Variants in TPR observed in about 807,000 individuals in gnomAD.
The protein encoded by TPR is translocated promoter region, nuclear basket protein, also known as nucleoprotein TPR.
Under a neutral mutation model 316.1 loss-of-function variants are expected in TPR, and 51 were observed. That is an observed-to-expected ratio of 0.16 (90% CI 0.13 to 0.20). The LOEUF (loss-of-function observed/expected upper bound fraction) is 0.20. Ranked by LOEUF, TPR falls within the 10% of genes least tolerant of loss-of-function variation. TPR has a pLI of 1.00. For missense variants in TPR, 2,272 were observed against 2,754.8 expected (o/e 0.82, Z 3.92); for synonymous variants, 981 against 914.7 (o/e 1.07, Z -1.31).
At chr1:186,317,195 C>G (rs1310987370) in intron 49 of TPR, among the ~76,000 whole-genome samples, 1 of 152,174 alleles carries the variant, frequency 6.6e-6, no homozygotes, top group Non-Finnish European at 1.5e-5. Context: ...GACCCAAGAG[C>G]TCTACAAAAC....
chr1:186,334,770 T>C (rs1446504304), intron 35 of TPR, among the ~76,000 whole-genome samples: 1 of 152,082 alleles, frequency 6.6e-6, no homozygotes, highest in Non-Finnish European at 1.5e-5. Flanking sequence ...AGCCCAGCAT[T>C]TTCTATCTGT....
chr1:186,375,228 C>G lies in TPR; in HGVS notation c.-200G>C, dbSNP rs1246904029. 6.8e-7 allele frequency: 1 copy of G among 1,467,698 alleles called. No homozygotes were observed. 90.9% of individuals were successfully genotyped at this position (1,467,698 alleles called of 1,614,324 possible). A position where few individuals can be genotyped will look rare whatever the true frequency, so the allele number is the denominator to read the frequency against. ...ACCCTCAGCGGCAGCGTTTCAGCAA[C>G]AGCACCTCACCGCCCGCGACCGAAG... is the stretch of plus-strand genomic sequence containing the variant. On this transcript the variant is annotated 5_prime_UTR_variant, in exon 1 of 51. Coordinates refer to ENST00000367478, the MANE Select transcript of TPR (RefSeq NM_003292.3).
In TPR at chr1:186,332,249, T is replaced by G. The variant is rs1040297275; in HGVS notation, c.5550A>C (p.Thr1850=). ...IEASDQVSDD[T]VEMPLPKKLK... ...ACTTCTTTGGAAGAGGCATTTCCAC[T>G]GTATCATCAGAGACTTGGTCTGATG... is the stretch of plus-strand genomic sequence containing the variant. Residue 1850 remains threonine, a synonymous_variant, in exon 38 of 51, where the codon ACA becomes ACC. Coordinates refer to ENST00000367478, the MANE Select transcript of TPR (RefSeq NM_003292.3). 6.2e-7 allele frequency: 1 copy of G among 1,612,518 alleles called. No individual in the cohort carries two copies. The highest frequency in any genetic ancestry group is 2.2e-5 in the East Asian group (1 of 44,856).
chr1:186,358,137 TCTTA>T (rs1275790000), intron 13 of TPR, among the ~76,000 whole-genome samples: 1 of 152,164 alleles, frequency 6.6e-6, no homozygotes, highest in African/African-American at 2.4e-5. Flanking sequence ...TACAGTCCAG[TCTTA>T]CTTCAGTAAA....
In TPR at chr1:186,330,568, C is replaced by T. The variant is rs1411151659; in HGVS notation, c.5688+930G>A. Among the ~76,000 whole-genome samples the T allele has an allele frequency of 2.0e-5, 3 of 152,004 alleles. No individual in the cohort carries two copies. In the East Asian group the frequency reaches 5.8e-4, roughly 29 times the overall value. On this transcript the variant is annotated intron_variant, in intron 39 of 50. Transcript: ENST00000367478. The stretch of plus-strand genomic sequence containing the variant: ...TTACCTACTGTTTATATGCTCAGTT[C>T]CCCTCATAAATATGTATAGCGTTTC...
In TPR at chr1:186,353,282, G is replaced by C. The variant is rs1404981871; in HGVS notation, c.2334+406C>G. Among the ~76,000 whole-genome samples, 4 of 151,654 alleles carry C rather than the reference G, an allele frequency of 2.6e-5. No individual in the cohort carries two copies. In the East Asian group the frequency reaches 7.9e-4, roughly 30 times the overall value. On this transcript the variant is annotated intron_variant, in intron 18 of 50. Coordinates refer to ENST00000367478, the MANE Select transcript of TPR (RefSeq NM_003292.3). ...AGCTACTCAGGAGGTTGAGGCAGGA[G>C]AATGGCGTAAACCCGGGAGGCGGAG...
At chr1:186,353,374 GA>G (rs1232037733) in intron 18 of TPR, among the ~76,000 whole-genome samples, 9 of 108,854 alleles carry the variant, frequency 8.3e-5, no homozygotes, top group East Asian at 2.9e-4. Context: ...TCTGTCTCAA[GA>G]AAAAAAAAAC....
intron 30 of TPR, 152 bp from the exon 31 acceptor site, chr1:186,338,395 G>C (rs1315666048): frequency 4.9e-6 from 3 of 611,586 alleles, no homozygotes; most frequent in African/African-American, 3.8e-5. Context: ...AAGACCTTAC[G>C]AATTTACAGC....
chr1:186,372,748 G>A (rs1659573943), intron 2 of TPR, among the ~76,000 whole-genome samples: 1 of 152,012 alleles, frequency 6.6e-6, no homozygotes, highest in African/African-American at 2.4e-5. Context: ...ATCCTCCTAA[G>A]AAATGTCAGG....
At chr1:186,367,153 G>A (rs952517068) in intron 4 of TPR, among the ~76,000 whole-genome samples, 4 of 144,516 alleles carry the variant, frequency 2.8e-5, no homozygotes, top group African/African-American at 7.8e-5. Context: ...TACAACCTCC[G>A]GCTCCTGGGT....
At chr1:186,317,697 CA>C in intron 48 of TPR, 97 bp from the exon 49 acceptor site, 1 of 1,157,322 alleles carries the variant, frequency 8.6e-7, no homozygotes, top group Non-Finnish European at 1.2e-6. Context: ...TTAAGTAATC[CA>C]GAGCTCCCTT....
At chr1:186,360,204 A>T in intron 11 of TPR, 69 bp downstream of exon 11, 2 of 1,524,670 alleles carry the variant, frequency 1.3e-6, no homozygotes, top group Non-Finnish European at 1.8e-6. Context: ...TGGGAGAATT[A>T]AATTTTGAAG....
At position 186,322,512 on chromosome 1, in the gene TPR, A is replaced by T; in HGVS notation, c.6366+6T>A. Reference sequence around the variant, plus strand: ...AATTACTTTTACATAATGGGTAAGTACTTACCATGCCACCTATTCCTGGAG... The same window carrying T: ...AATTACTTTTACATAATGGGTAAGTTCTTACCATGCCACCTATTCCTGGAG... On this transcript the variant is annotated splice_donor_region_variant and intron_variant, in intron 44 of 50. Transcript: ENST00000367478. 5 of 1,614,044 alleles carry T rather than the reference A, an allele frequency of 3.1e-6. No homozygotes were observed. The highest frequency in any genetic ancestry group is 4.2e-6 in the Non-Finnish European group (5 of 1,179,914).
chr1:186,314,505 GTAATTAT>G lies in TPR; in HGVS notation c.7036+117_7036+123del, dbSNP rs1657526453. 17 of 641,640 alleles carry G rather than the reference GTAATTAT, an allele frequency of 2.6e-5. No individual in the cohort carries two copies. In the East Asian group the frequency reaches 5.2e-4, roughly 20 times the overall value. The allele number at this position is 641,640 out of a possible 1,614,324, so 39.7% of individuals were successfully genotyped here. Reference sequence around the variant, plus strand: ...TTGGTAAATATCACCTGCTCAACATGTAATTATTTAATAAAACTTTGGAACATTAAAA... The same window carrying G: ...TTGGTAAATATCACCTGCTCAACATGTTAATAAAACTTTGGAACATTAAAA... On this transcript the variant is annotated intron_variant, in intron 50 of 50. Transcript: ENST00000367478.
chr1:186,336,749 G>C (rs1356254926), intron 32 of TPR, 55 bp from the exon 33 acceptor site: 4 of 1,524,516 alleles, frequency 2.6e-6, no homozygotes, highest in African/African-American at 1.4e-5. Flanking sequence ...AATATAAACT[G>C]TATGTGGTAG....
At chr1:186,355,921 C>G (rs1288996029) in intron 15 of TPR, among the ~76,000 whole-genome samples, 153 bp from the exon 16 acceptor site, 1 of 152,108 alleles carries the variant, frequency 6.6e-6, no homozygotes, top group African/African-American at 2.4e-5. Context: ...AATAAGGAAT[C>G]TACTAAACAA....
At chr1:186,322,937 T>C (rs989861035) in intron 43 of TPR, among the ~76,000 whole-genome samples, 5 of 152,228 alleles carry the variant, frequency 3.3e-5, no homozygotes, top group African/African-American at 1.2e-4. Flanking sequence ...ACAGCAGTAT[T>C]GTTTTTTAAA....
In TPR at chr1:186,348,665, C is replaced by T. The variant is rs190005029; in HGVS notation, c.2777-1207G>A. On this transcript the variant is annotated intron_variant, in intron 21 of 50. Transcript: ENST00000367478. ...CGGTCCTAGATATGTGATGTCACCC[C>T]TGGCAGCCCAGCTGTAAAATTCCTC... 1.9e-3 allele frequency among the ~76,000 whole-genome samples: 290 copies of T among 152,272 alleles called. 3 individuals are homozygous for T. The highest frequency in any genetic ancestry group is 1.2e-3 in the Non-Finnish European group (81 of 68,030).
intron 36 of TPR, among the ~76,000 whole-genome samples, chr1:186,333,847 A>G (rs1286708826): frequency 6.6e-6 from 1 of 152,190 alleles, no homozygotes; most frequent in African/African-American, 2.4e-5. Flanking sequence ...ATTTGTCAAG[A>G]TAAGAATCTA....
Sources: gnomAD v4.1 joint callset for allele counts (sites outside exome capture counted in the v4.1 genomes callset) on GRCh38, gnomAD v4.1.1 for gene constraint, MANE v1.5 for transcripts, NCBI Gene and HGNC (gene_info 2026-07-23, HGNC 2026-07-21) for gene names.